The following ARHGAP32 variants were observed in gnomAD, a reference collection of about 807,000 sequenced individuals.
ARHGAP32 encodes rho GTPase-activating protein 32.
A neutral mutation model predicts 186.5 loss-of-function variants in ARHGAP32; 51 were observed. The observed-to-expected ratio is 0.27, with a 90% confidence interval of 0.22 to 0.35. The LOEUF is 0.35. ARHGAP32 is among the 10% of genes least tolerant of loss of function. The probability of loss-of-function intolerance (pLI) is 1.00; values close to 1 mark genes in which losing one functional copy is unlikely to be tolerated. For synonymous variants in ARHGAP32, 950 were observed against 964.3 expected (o/e 0.99, Z 0.27); for missense variants, 2,186 against 2,623.5 (o/e 0.83, Z 3.64).
intron 5 of ARHGAP32, among the ~76,000 whole-genome samples, chr11:129,106,397 T>C (rs1317036095): frequency 6.6e-6 from 1 of 152,130 alleles, no homozygotes; most frequent in East Asian, 1.9e-4. Flanking sequence ...CAGTGGTTAT[T>C]AGCCTAAGCA....
At chr11:129,061,426 T>C (rs1253682030) in intron 10 of ARHGAP32, among the ~76,000 whole-genome samples, 1 of 152,226 alleles carries the variant, frequency 6.6e-6, no homozygotes, top group African/African-American at 2.4e-5. Context: ...AACCCTAGGA[T>C]ACTTTTTCCT....
At chr11:129,246,129 G>A (rs116879426) in intron 1 of ARHGAP32, among the ~76,000 whole-genome samples, 1,553 of 152,266 alleles carry the variant, frequency 0.01, 19 homozygotes, top group Middle Eastern at 0.054. Flanking sequence ...CCTTCAAGGG[G>A]AATGAGAATT....
intron 1 of ARHGAP32, among the ~76,000 whole-genome samples, chr11:129,239,017 A>G (rs1161374973): frequency 1.3e-5 from 2 of 151,800 alleles, no homozygotes; most frequent in Non-Finnish European, 1.5e-5. Context: ...TTTATTATTT[A>G]TAGAGTATTA....
intron 5 of ARHGAP32, among the ~76,000 whole-genome samples, chr11:129,095,534 G>A (rs1941706183): frequency 6.6e-6 from 1 of 152,162 alleles, no homozygotes; most frequent in South Asian, 2.1e-4. Flanking sequence ...TGTGAAGTAT[G>A]GGAAGCCTCC....
intron 1 of ARHGAP32, among the ~76,000 whole-genome samples, chr11:129,230,265 A>C (rs142380887): frequency 1.2e-4 from 19 of 152,278 alleles, no homozygotes; most frequent in African/African-American, 4.3e-4. Flanking sequence ...GGCCAATCCA[A>C]ATTATTTAAT....
Position 128,987,886 on chromosome 11 carries a change from A to G in ARHGAP32, c.1298+137T>C. The G allele has an allele frequency of 4.6e-6, 3 of 646,380 alleles. No homozygotes were observed. The South Asian group carries it at 6.4e-5, about 14-fold the overall frequency. 40.0% of individuals were successfully genotyped at this position (646,380 alleles called of 1,614,324 possible). A position where few individuals can be genotyped will look rare whatever the true frequency, so the allele number is the denominator to read the frequency against. On this transcript the variant is annotated intron_variant, in intron 13 of 22. Coordinates refer to ENST00000682385, the MANE Select transcript of ARHGAP32 (RefSeq NM_001378024.1). ...CCATTTAGAAAAGTATACAGAGACAATAACATGTATATTATTTCCTATTTT... is the reference window on the plus strand; with the variant it reads ...CCATTTAGAAAAGTATACAGAGACAGTAACATGTATATTATTTCCTATTTT...
chr11:129,047,788 C>A (rs767661005), intron 10 of ARHGAP32, among the ~76,000 whole-genome samples: 8 of 152,190 alleles, frequency 5.3e-5, no homozygotes, highest in Admixed American at 3.3e-4. Context: ...ACCATCCCAG[C>A]ACAGTTGATC....
chr11:129,194,959 G>GGGTTGTT (rs1555111636), upstream of ARHGAP32, among the ~76,000 whole-genome samples: 1 of 130,298 alleles, frequency 7.7e-6, no homozygotes, highest in African/African-American at 2.8e-5. Flanking sequence ...GGGGGGGGGG[G>GGGTTGTT]TTGTTTTGTT....
chr11:128,983,648 A>C (rs923794916), intron 15 of ARHGAP32, among the ~76,000 whole-genome samples: 3 of 151,994 alleles, frequency 2.0e-5, no homozygotes, highest in Admixed American at 1.3e-4. Context: ...TATAATAAAA[A>C]AATAAATAAA....
At chr11:128,979,405 G>A (rs1361697696) in intron 18 of ARHGAP32, among the ~76,000 whole-genome samples, 1 of 152,096 alleles carries the variant, frequency 6.6e-6, no homozygotes, top group African/African-American at 2.4e-5. Context: ...ACCACATGAG[G>A]TAAGTACTAT....
chr11:129,216,246 G>C (rs894021799), intron 1 of ARHGAP32, among the ~76,000 whole-genome samples: 2 of 152,012 alleles, frequency 1.3e-5, no homozygotes, highest in African/African-American at 4.8e-5. Context: ...ATTCGGATGC[G>C]GACATATTTG....
chr11:129,025,543 G>C (rs1045217080), intron 11 of ARHGAP32, among the ~76,000 whole-genome samples: 4 of 152,052 alleles, frequency 2.6e-5, no homozygotes, highest in Non-Finnish European at 5.9e-5. Flanking sequence ...TATTGGAGAA[G>C]GCAAAGCCAC....
At position 129,227,785 on chromosome 11, in the gene ARHGAP32, A is replaced by C. The variant is rs78526578; in HGVS notation, c.-5+51361T>G. The stretch of plus-strand genomic sequence containing the variant: ...ATTTCAGAGGACAAATAGACAATGC[A>C]ACAATAATAGAGACATGTATCCCAC... On this transcript the variant is annotated intron_variant, in intron 1 of 6. Coordinates refer to the ARHGAP32 transcript ENST00000525234. Among the ~76,000 whole-genome samples the C allele has an allele frequency of 3.0e-3, 453 of 152,298 alleles. 8 individuals are homozygous for C. The highest frequency in any genetic ancestry group is 0.023 in the Admixed American group (349 of 15,294).
intron 2 of ARHGAP32, among the ~76,000 whole-genome samples, chr11:129,129,092 T>C (rs994715042): frequency 2.8e-5 from 4 of 144,918 alleles, no homozygotes; most frequent in African/African-American, 1.0e-4. Context: ...CCGTCTGGGA[T>C]GTGAAGGGCG....
intron 5 of ARHGAP32, among the ~76,000 whole-genome samples, chr11:129,114,987 C>T (rs1591627606): frequency 2.0e-5 from 3 of 151,994 alleles, no homozygotes; most frequent in Admixed American, 2.0e-4. Context: ...AACCATTCAC[C>T]AAAGCCTAAT....
chr11:129,064,997 G>A (rs1940639103), intron 7 of ARHGAP32, 64 bp from the exon 8 acceptor site: 5 of 1,352,280 alleles, frequency 3.7e-6, no homozygotes, highest in Admixed American at 2.1e-5. Context: ...AGGGAAAACT[G>A]GATGGTTTCT....
chr11:129,168,366 C>T (rs868633249), intron 1 of ARHGAP32, among the ~76,000 whole-genome samples: 2 of 152,260 alleles, frequency 1.3e-5, no homozygotes, highest in African/African-American at 4.8e-5. Flanking sequence ...AGAAGGCTAG[C>T]GTAGCTATAT....
intron 11 of ARHGAP32, among the ~76,000 whole-genome samples, chr11:129,013,821 C>G (rs929472818): frequency 6.6e-6 from 1 of 152,176 alleles, no homozygotes; most frequent in Middle Eastern, 3.2e-3. Context: ...TTCAATATTA[C>G]TAGTTACTAC....
upstream of ARHGAP32, among the ~76,000 whole-genome samples, chr11:129,193,767 A>G (rs1398856180): frequency 8.5e-6 from 1 of 118,270 alleles, no homozygotes; most frequent in Non-Finnish European, 1.7e-5. Flanking sequence ...TACATATATA[A>G]ATTTTAAAAA....
Sources: gnomAD v4.1 joint callset for allele counts (sites outside exome capture counted in the v4.1 genomes callset) on GRCh38, gnomAD v4.1.1 for gene constraint, MANE v1.5 for transcripts, NCBI Gene and HGNC (gene_info 2026-07-23, HGNC 2026-07-21) for gene names.